Variants in GSE1 observed in about 807,000 individuals in gnomAD.
GSE1 encodes the protein Gse1 coiled-coil protein, also known as genetic suppressor element 1.
In GSE1, 32 loss-of-function variants were observed where a neutral mutation model predicts 112.6. That is an observed-to-expected ratio of 0.28 (90% confidence interval 0.21 to 0.38). The LOEUF (loss-of-function observed/expected upper bound fraction) is 0.38, where lower values mean the gene tolerates loss of function less well. Among genes scored for constraint, GSE1 ranks in the 10% least tolerant of loss-of-function variants. The pLI is 1.00. For synonymous variants in GSE1, 1,115 were observed against 735.6 expected (o/e 1.52, Z -8.35); for missense variants, 2,348 against 1,699.2 (o/e 1.38, Z -6.71).
At chr16:85,656,715 G>A in intron 7 of GSE1, 50 bp downstream of exon 7, 2 of 1,448,114 alleles carry the variant, frequency 1.4e-6, no homozygotes, top group South Asian at 2.9e-5. Flanking sequence ...GCCACCCGCG[G>A]GGAGGAGCCC....
intron 1 of GSE1, among the ~76,000 whole-genome samples, chr16:85,279,293 C>A: frequency 6.6e-6 from 1 of 152,194 alleles, no homozygotes; most frequent in East Asian, 1.9e-4. Context: ...ACCATGCAAG[C>A]CCGCTACAAG....
At chr16:85,518,095 C>T (rs541112739) in intron 2 of GSE1, among the ~76,000 whole-genome samples, 13 of 152,322 alleles carry the variant, frequency 8.5e-5, no homozygotes, top group African/African-American at 1.2e-4. Context: ...TGGGCACAGC[C>T]GGCCAGCGCC....
intron 2 of GSE1, among the ~76,000 whole-genome samples, chr16:85,645,892 C>A (rs960984990): frequency 1.3e-5 from 2 of 150,626 alleles, no homozygotes; most frequent in African/African-American, 5.0e-5. Context: ...ATGCATTCTA[C>A]CATGCTTCTA....
At chr16:85,189,140 C>T (rs2074771309) in intron 1 of GSE1, among the ~76,000 whole-genome samples, 1 of 152,214 alleles carries the variant, frequency 6.6e-6, no homozygotes, top group African/African-American at 2.4e-5. Flanking sequence ...CACATTTCTG[C>T]CTATTTTCCT....
chr16:85,607,798 TG>T (rs549228575), upstream of GSE1, among the ~76,000 whole-genome samples: 241 of 152,348 alleles, frequency 1.6e-3, no homozygotes, highest in Non-Finnish European at 2.6e-3. Context: ...GCCCAGGGTC[TG>T]GGGACTGTGT....
At chr16:85,401,497 C>T (rs1000942226) in intron 2 of GSE1, among the ~76,000 whole-genome samples, 3 of 152,092 alleles carry the variant, frequency 2.0e-5, no homozygotes, top group African/African-American at 7.2e-5. Flanking sequence ...GGGCACCTCC[C>T]GCAAAGTCAG....
intron 1 of GSE1, among the ~76,000 whole-genome samples, chr16:85,339,990 A>C (rs2046590493): frequency 1.3e-5 from 2 of 152,188 alleles, no homozygotes; most frequent in African/African-American, 2.4e-5. Flanking sequence ...GGCTTGTTTT[A>C]TGTCCCCTGG....
chr16:85,613,153 T>C (rs1435644770), upstream of GSE1: 5 of 1,305,316 alleles, frequency 3.8e-6, no homozygotes, highest in East Asian at 1.6e-4. Flanking sequence ...TCCCGCTGGC[T>C]GAGGTCAGGG....
chr16:85,583,969 C>T (rs1418687792), intron 1 of GSE1, among the ~76,000 whole-genome samples: 2 of 152,250 alleles, frequency 1.3e-5, no homozygotes, highest in Non-Finnish European at 2.9e-5. Context: ...ATCACTACCA[C>T]TTCCCACTGT....
chr16:85,353,925 A>G (rs2046900117), intron 1 of GSE1, among the ~76,000 whole-genome samples: 1 of 152,220 alleles, frequency 6.6e-6, no homozygotes, highest in Non-Finnish European at 1.5e-5. Context: ...CTGCCTTTGC[A>G]GGAAGCCTGC....
chr16:85,319,274 T>A (rs192681386), intron 1 of GSE1, among the ~76,000 whole-genome samples: 2 of 152,336 alleles, frequency 1.3e-5, no homozygotes, highest in African/African-American at 4.8e-5. Flanking sequence ...GACCCAGAAC[T>A]TGCGATCGGT....
intron 11 of GSE1, chr16:85,664,670 G>A (rs149759722): frequency 5.1e-4 from 110 of 215,812 alleles, no homozygotes; most frequent in African/African-American, 2.2e-3. Flanking sequence ...GGTCTTTGGG[G>A]TGTTTCTTTG....
At chr16:85,603,208 G>A (rs1380799466) in intron 1 of GSE1, among the ~76,000 whole-genome samples, 1 of 152,252 alleles carries the variant, frequency 6.6e-6, no homozygotes, top group Admixed American at 6.5e-5. Flanking sequence ...AGCTCAGCTG[G>A]GGGAGGGGAC....
At chr16:85,592,641 G>T (rs572703286) in intron 1 of GSE1, 1 of 152,342 alleles carries the variant, frequency 6.6e-6, no homozygotes, top group South Asian at 2.1e-4. Context: ...AAGGATGGGG[G>T]CCTTGGTTAC....
intron 1 of GSE1, among the ~76,000 whole-genome samples, chr16:85,246,490 CACTCT>C (rs1905826442): frequency 3.5e-5 from 4 of 115,754 alleles, no homozygotes; most frequent in Non-Finnish European, 5.9e-5. Context: ...CACACACACA[CACTCT>C]ACACACCCCC....
intron 1 of GSE1, among the ~76,000 whole-genome samples, chr16:85,258,011 A>T (rs1316782539): frequency 6.6e-6 from 1 of 152,200 alleles, no homozygotes; most frequent in African/African-American, 2.4e-5. Context: ...TTTGCAGAGT[A>T]ATCTTGGGCA....
At chr16:85,587,546 G>T (rs1000790365) in intron 1 of GSE1, among the ~76,000 whole-genome samples, 8 of 152,078 alleles carry the variant, frequency 5.3e-5, no homozygotes, top group African/African-American at 1.9e-4. Context: ...TCACACCTTC[G>T]GCCTAGGTAC....
intron 2 of GSE1, among the ~76,000 whole-genome samples, chr16:85,477,213 C>G (rs887865789): frequency 2.6e-5 from 4 of 152,192 alleles, no homozygotes; most frequent in African/African-American, 7.2e-5. Context: ...TCCTGTGCAA[C>G]TTCTTGCTGA....
intron 2 of GSE1, among the ~76,000 whole-genome samples, chr16:85,450,367 C>G (rs181141194): frequency 2.5e-4 from 38 of 152,066 alleles, no homozygotes; most frequent in Admixed American, 1.3e-3. Context: ...ATCTGCCCGC[C>G]TTGGCCTCCC....
Sources: allele counts gnomAD v4.1 joint callset (sites outside exome capture counted in the v4.1 genomes callset), GRCh38; gene constraint gnomAD v4.1.1; transcripts MANE v1.5; gene names NCBI Gene and HGNC (gene_info 2026-07-23, HGNC 2026-07-21).